The following ITGB3BP variants were observed in gnomAD, a reference collection of about 807,000 sequenced individuals.
ITGB3BP encodes integrin subunit beta 3 binding protein.
ITGB3BP carries 27 observed loss-of-function variants against 29.1 expected under a neutral mutation model. That is an observed-to-expected ratio of 0.93 (90% CI 0.68 to 1.28). The LOEUF (loss-of-function observed/expected upper bound fraction) is 1.28. ITGB3BP is among the 50% of genes most tolerant of loss of function. ITGB3BP has a pLI of 0.00. For missense variants in ITGB3BP, 192 were observed against 200.2 expected (o/e 0.96, Z 0.25); for synonymous variants, 61 against 61.4 (o/e 0.99, Z 0.03).
At chr1:63,469,807 C>G (rs1273029272) in intron 4 of ITGB3BP, among the ~76,000 whole-genome samples, 4 of 152,186 alleles carry the variant, frequency 2.6e-5, no homozygotes, top group Non-Finnish European at 4.4e-5. Context: ...GGGAACAAGC[C>G]CCCCAAAATC....
chr1:63,513,231 A>G (rs574007554), intron 1 of ITGB3BP, among the ~76,000 whole-genome samples: 2 of 152,354 alleles, frequency 1.3e-5, no homozygotes, highest in Admixed American at 1.3e-4. Context: ...ATTACATTCC[A>G]AGAAAAGCCT....
intron 7 of ITGB3BP, chr1:63,447,721 A>G: frequency 9.0e-6 from 4 of 446,344 alleles, no homozygotes; most frequent in South Asian, 4.7e-5. Flanking sequence ...ACACTTTTAC[A>G]CTGTTGGTGG....
At chr1:63,523,272 G>T, upstream of ITGB3BP, 1 of 1,117,814 alleles carries the variant, frequency 8.9e-7, no homozygotes, top group Non-Finnish European at 1.3e-6. Flanking sequence ...CGGCCGGGCG[G>T]AAACATCCTC....
intron 2 of ITGB3BP, among the ~76,000 whole-genome samples, chr1:63,503,530 T>C (rs1380451772): frequency 1.3e-5 from 2 of 152,224 alleles, no homozygotes; most frequent in Non-Finnish European, 2.9e-5. Flanking sequence ...ATCCCATTTG[T>C]CAATTTTGTC....
chr1:63,472,643 GTTT>G (rs540697788), intron 4 of ITGB3BP, among the ~76,000 whole-genome samples: 1 of 142,862 alleles, frequency 7.0e-6, no homozygotes, highest in Non-Finnish European at 1.5e-5. Flanking sequence ...ATTGGTTTTC[GTTT>G]TTTTTTTTTT....
chr1:63,508,610 G>A lies in ITGB3BP; in HGVS notation c.6-40C>T, dbSNP rs184140844. On this transcript the variant is annotated intron_variant, in intron 1 of 8. Coordinates refer to ENST00000271002, the MANE Select transcript of ITGB3BP (RefSeq NM_014288.5). ...TTTAAAGAAATTTTAGATTTGACAC[G>A]CTTTATTTAAAGTAGCCCAATAATT... 1,375 of 938,392 alleles carry A rather than the reference G, an allele frequency of 1.5e-3. 3 individuals are homozygous for A. The highest frequency in any genetic ancestry group is 1.9e-3 in the Non-Finnish European group (1,166 of 629,318). 58.1% of individuals were successfully genotyped at this position (938,392 alleles called of 1,614,324 possible).
intron 8 of ITGB3BP, among the ~76,000 whole-genome samples, chr1:63,444,305 G>A (rs1041798788): frequency 6.6e-6 from 1 of 151,898 alleles, no homozygotes; most frequent in African/African-American, 2.4e-5. Context: ...TACTAAATGT[G>A]TAACTGTGAC....
At chr1:63,465,672 G>A (rs1645087859) in intron 4 of ITGB3BP, among the ~76,000 whole-genome samples, 1 of 152,058 alleles carries the variant, frequency 6.6e-6, no homozygotes, top group Non-Finnish European at 1.5e-5. Flanking sequence ...TTATAGGTGT[G>A]AGCCACCACA....
chr1:63,473,494 G>A (rs1294374506), intron 4 of ITGB3BP, among the ~76,000 whole-genome samples: 10 of 144,250 alleles, frequency 6.9e-5, no homozygotes, highest in African/African-American at 1.8e-4. Context: ...CCCCCCGCCC[G>A]GCCAGCCGCC....
At chr1:63,489,148 G>C (rs1645592290) in intron 3 of ITGB3BP, among the ~76,000 whole-genome samples, 1 of 151,698 alleles carries the variant, frequency 6.6e-6, no homozygotes, top group Non-Finnish European at 1.5e-5. Flanking sequence ...ACAGCTTTAG[G>C]ATAAAAAGCA....
At position 63,454,842 on chromosome 1, in the gene ITGB3BP, T is replaced by G; in HGVS notation, c.333+48A>C. 1 of 846,164 alleles carries G rather than the reference T, an allele frequency of 1.2e-6. No homozygotes were observed. The highest frequency in any genetic ancestry group is 1.9e-6 in the Non-Finnish European group (1 of 527,204). 52.4% of individuals were successfully genotyped at this position (846,164 alleles called of 1,614,324 possible). A position where few individuals can be genotyped will look rare whatever the true frequency, so the allele number is the denominator to read the frequency against. ...GGATTCTCCAATCTGGGACACTTCT[T>G]TCATTTTATCCTTTTCAAACAGGGT... is the stretch of plus-strand genomic sequence containing the variant. On this transcript the variant is annotated intron_variant, in intron 5 of 8. Coordinates refer to ENST00000271002, the MANE Select transcript of ITGB3BP (RefSeq NM_014288.5). The surrounding 1 kb of genome is among the most constrained non-coding windows in gnomAD (Gnocchi z 4.1).
At chr1:63,508,057 T>C (rs936159067) in intron 2 of ITGB3BP, among the ~76,000 whole-genome samples, 1 of 152,186 alleles carries the variant, frequency 6.6e-6, no homozygotes, top group African/African-American at 2.4e-5. Context: ...TGTGGTGCAA[T>C]TTATTACGGT....
At chr1:63,460,275 T>C (rs775028709) in intron 4 of ITGB3BP, among the ~76,000 whole-genome samples, 1 of 152,196 alleles carries the variant, frequency 6.6e-6, no homozygotes, top group Non-Finnish European at 1.5e-5. Context: ...AAACAGAAAC[T>C]GTATAACCAT....
chr1:63,446,391 T>A (rs190705969), intron 8 of ITGB3BP, among the ~76,000 whole-genome samples: 77 of 152,352 alleles, frequency 5.1e-4, no homozygotes, highest in Middle Eastern at 3.4e-3. Context: ...TTTACTTAAT[T>A]TAGCACATTT....
chr1:63,444,247 G>T (rs1025116252), intron 8 of ITGB3BP, among the ~76,000 whole-genome samples: 1 of 151,992 alleles, frequency 6.6e-6, no homozygotes, highest in Non-Finnish European at 1.5e-5. Context: ...TGAATTCCCT[G>T]TAAGTTTATT....
intron 7 of ITGB3BP, 156 bp from the exon 8 acceptor site, chr1:63,447,012 T>G (rs1644799290): frequency 6.7e-6 from 4 of 596,152 alleles, no homozygotes; most frequent in Non-Finnish European, 1.2e-5. Flanking sequence ...AAATTCTCAT[T>G]TCAACATGCT....
At chr1:63,498,488 A>T (rs1382753213) in intron 2 of ITGB3BP, among the ~76,000 whole-genome samples, 2 of 152,118 alleles carry the variant, frequency 1.3e-5, no homozygotes, top group Admixed American at 6.5e-5. Flanking sequence ...GAATTTTTTT[A>T]AAACTTAAAA....
At chr1:63,489,605 TAGTC>T (rs1645603056) in intron 3 of ITGB3BP, among the ~76,000 whole-genome samples, 1 of 151,864 alleles carries the variant, frequency 6.6e-6, no homozygotes, top group South Asian at 2.1e-4. Flanking sequence ...ACATTTGAAA[TAGTC>T]AAGAAAAAGA....
At chr1:63,488,397 T>C (rs1243520229) in intron 3 of ITGB3BP, among the ~76,000 whole-genome samples, 2 of 152,014 alleles carry the variant, frequency 1.3e-5, no homozygotes, top group Non-Finnish European at 2.9e-5. Flanking sequence ...TTATCATAAG[T>C]GTGATGGGAA....
Sources: allele counts gnomAD v4.1 joint callset (sites outside exome capture counted in the v4.1 genomes callset), GRCh38; gene constraint gnomAD v4.1.1; non-coding constraint Gnocchi (gnomAD v3.1); transcripts MANE v1.5; gene names NCBI Gene and HGNC (gene_info 2026-07-23, HGNC 2026-07-21).